ITCH: variants seen among roughly 807,000 people sequenced by gnomAD.
The protein encoded by ITCH is itchy E3 ubiquitin protein ligase, also known as E3 ubiquitin-protein ligase Itchy homolog.
Under a neutral mutation model 126.8 loss-of-function variants are expected in ITCH, and 28 were observed. The observed-to-expected ratio is 0.22, with a 90% CI of 0.16 to 0.30. ITCH has a LOEUF of 0.30. Ranked by LOEUF, ITCH falls within the 10% of genes least tolerant of loss-of-function variation. The probability of loss-of-function intolerance (pLI) is 1.00; values close to 1 mark genes in which losing one functional copy is unlikely to be tolerated. For missense variants in ITCH, 631 were observed against 1,032.4 expected (o/e 0.61, Z 5.33); for synonymous variants, 342 against 340.0 (o/e 1.01, Z -0.06).
chr20:34,495,469 T>C (rs1015327995), intron 23 of ITCH, among the ~76,000 whole-genome samples: 9 of 151,978 alleles, frequency 5.9e-5, no homozygotes, highest in Non-Finnish European at 1.2e-4. Flanking sequence ...CCTTCTGTAG[T>C]AACCACTGTT....
chr20:34,456,047 A>C (rs1443215445), intron 12 of ITCH, among the ~76,000 whole-genome samples: 1 of 150,860 alleles, frequency 6.6e-6, no homozygotes, highest in African/African-American at 2.4e-5. Flanking sequence ...TTAGTTGAAT[A>C]ATGCCTAGCA....
At chr20:34,454,161 G>A (rs1456180993) in intron 12 of ITCH, among the ~76,000 whole-genome samples, 28 of 145,954 alleles carry the variant, frequency 1.9e-4, no homozygotes, top group African/African-American at 6.6e-4. Context: ...TTTTTGAGAC[G>A]GAGTCTCGCT....
intron 20 of ITCH, among the ~76,000 whole-genome samples, chr20:34,483,224 A>T (rs562042440): frequency 5.9e-5 from 9 of 152,264 alleles, no homozygotes; most frequent in Non-Finnish European, 1.2e-4. Context: ...TGTCTTGGGG[A>T]TTAACATTCG....
At chr20:34,371,282 T>C (rs6142151) in intron 2 of ITCH, among the ~76,000 whole-genome samples, 26,281 of 120,928 alleles carry the variant, frequency 0.22, 3,082 homozygotes, top group Non-Finnish European at 0.33. Context: ...ACTTCTTCTT[T>C]TTTTTTTTTT....
intron 3 of ITCH, among the ~76,000 whole-genome samples, chr20:34,397,041 T>C (rs545911132): frequency 6.6e-6 from 1 of 152,066 alleles, no homozygotes; most frequent in Admixed American, 6.5e-5. Context: ...TTTGTTTGTT[T>C]TTTTGAGACA....
At chr20:34,482,139 C>G (rs1988798918) in intron 20 of ITCH, among the ~76,000 whole-genome samples, 1 of 152,226 alleles carries the variant, frequency 6.6e-6, no homozygotes, top group South Asian at 2.1e-4. Flanking sequence ...TTCTCTCTTA[C>G]AACACATGGG....
In ITCH at chr20:34,364,724, C is replaced by CAAAA. The variant is rs1171765663; in HGVS notation, c.-99+1391_-99+1394dup. Among the ~76,000 whole-genome samples, 33 of 45,570 alleles carry CAAAA rather than the reference C, an allele frequency of 7.2e-4. 2 individuals carry two copies. Among genetic ancestry groups the CAAAA allele is most frequent in the South Asian group, 2.0e-3 (2 of 1,008 alleles). The allele number at this position is 45,570 out of a possible 152,430, so 29.9% of individuals were successfully genotyped here. ...TGAAACCCCGTCTCTACTAAAAATACAAAAAAAAAAAAAAAAAAATCCTGG... is the reference window on the plus strand; with the variant it reads ...TGAAACCCCGTCTCTACTAAAAATACAAAAAAAAAAAAAAAAAAAAAAATCCTGG... On this transcript the variant is annotated intron_variant, in intron 1 of 24. Coordinates refer to ENST00000374864, the MANE Select transcript of ITCH (RefSeq NM_031483.7).
intron 8 of ITCH, among the ~76,000 whole-genome samples, chr20:34,439,603 A>C (rs1021141619): frequency 3.3e-5 from 5 of 152,188 alleles, no homozygotes; most frequent in Admixed American, 3.3e-4. Flanking sequence ...AATTTGATTA[A>C]TTGTATATTC....
chr20:34,474,962 C>G (rs1988024705), intron 16 of ITCH, among the ~76,000 whole-genome samples: 4 of 146,222 alleles, frequency 2.7e-5, no homozygotes, highest in Admixed American at 2.7e-4. Context: ...CAGAGATGCT[C>G]CTCACCTCCC....
chr20:34,476,869 G>A (rs1001714497), intron 16 of ITCH: 1 of 152,638 alleles, frequency 6.6e-6, no homozygotes, highest in Non-Finnish European at 1.5e-5. Flanking sequence ...CACAATTTTG[G>A]TCAAATAATT....
chr20:34,499,762 C>CA (rs1280464311), intron 23 of ITCH, among the ~76,000 whole-genome samples: 3 of 151,940 alleles, frequency 2.0e-5, no homozygotes, highest in African/African-American at 7.2e-5. Context: ...TCTGGTTTCT[C>CA]AAAGTGTATC....
intron 1 of ITCH, among the ~76,000 whole-genome samples, chr20:34,364,070 A>C (rs945158938): frequency 2.0e-5 from 3 of 152,200 alleles, no homozygotes; most frequent in African/African-American, 7.2e-5. Flanking sequence ...AAGCATGATG[A>C]CATGACTTTT....
intron 3 of ITCH, 38 bp from the exon 4 acceptor site, chr20:34,408,612 AT>A: frequency 6.4e-7 from 1 of 1,556,820 alleles, no homozygotes; most frequent in East Asian, 2.3e-5. Context: ...GTGAATTAAC[AT>A]CTCAACTATT....
chr20:34,497,205 C>T (rs556788696), intron 23 of ITCH, among the ~76,000 whole-genome samples: 2 of 152,230 alleles, frequency 1.3e-5, no homozygotes, highest in South Asian at 2.1e-4. Flanking sequence ...CTATGTTGGT[C>T]AGGCTGGTCT....
chr20:34,479,887 GT>G, intron 18 of ITCH, 98 bp downstream of exon 18: 1 of 1,124,812 alleles, frequency 8.9e-7, no homozygotes, highest in East Asian at 2.4e-5. Flanking sequence ...AAGGGAAGTG[GT>G]TTTTTGTTTT....
At chr20:34,451,285 G>A (rs185079561) in intron 12 of ITCH, among the ~76,000 whole-genome samples, 97 of 145,764 alleles carry the variant, frequency 6.7e-4, no homozygotes, top group Middle Eastern at 3.5e-3. Flanking sequence ...GCGAGACTCC[G>A]TCTCAAAAAA....
intron 16 of ITCH, among the ~76,000 whole-genome samples, chr20:34,477,399 G>A (rs1010766278): frequency 1.3e-4 from 20 of 152,104 alleles, no homozygotes; most frequent in Non-Finnish European, 2.1e-4. Flanking sequence ...GCGTGGTGGC[G>A]CACACCTGTA....
At chr20:34,452,716 G>A (rs1003473696) in intron 12 of ITCH, among the ~76,000 whole-genome samples, 7 of 152,126 alleles carry the variant, frequency 4.6e-5, no homozygotes, top group African/African-American at 1.4e-4. Context: ...TGCCCAGGCT[G>A]GGGTGCAGTG....
intron 13 of ITCH, among the ~76,000 whole-genome samples, 190 bp downstream of exon 13, chr20:34,457,664 GA>G (rs1986135044): frequency 6.6e-6 from 1 of 152,076 alleles, no homozygotes; most frequent in Non-Finnish European, 1.5e-5. Context: ...CAAAGTGCAG[GA>G]AAAAACTTTA....
Sources: allele counts gnomAD v4.1 joint callset (sites outside exome capture counted in the v4.1 genomes callset), GRCh38; gene constraint gnomAD v4.1.1; transcripts MANE v1.5; gene names NCBI Gene and HGNC (gene_info 2026-07-23, HGNC 2026-07-21).